Variants in SAMD4A observed in about 807,000 individuals in gnomAD.
SAMD4A encodes the protein protein Smaug homolog 1.
SAMD4A carries 33 observed loss-of-function variants against 81.3 expected under a neutral mutation model. That is an observed-to-expected ratio of 0.41 (90% confidence interval 0.31 to 0.54). The LOEUF (loss-of-function observed/expected upper bound fraction) is 0.54, where lower values mean the gene tolerates loss of function less well. Ranked by LOEUF, SAMD4A falls within the 20% of genes least tolerant of loss-of-function variation. The pLI is 0.37. For missense variants in SAMD4A, 854 were observed against 951.1 expected (o/e 0.90, Z 1.34); for synonymous variants, 389 against 382.1 (o/e 1.02, Z -0.21).
chr14:54,780,655 G>A (rs1399838923), intron 11 of SAMD4A, among the ~76,000 whole-genome samples: 1 of 152,176 alleles, frequency 6.6e-6, no homozygotes, highest in East Asian at 1.9e-4. Context: ...GAACCCAGCT[G>A]GGCCCACAGC....
At chr14:54,578,463 C>T (rs950227927) in intron 2 of SAMD4A, among the ~76,000 whole-genome samples, 2 of 151,972 alleles carry the variant, frequency 1.3e-5, no homozygotes, top group Non-Finnish European at 2.9e-5. Context: ...GTAATCCCAG[C>T]ACTTTGGTAG....
At chr14:54,775,228 GC>G in intron 10 of SAMD4A, 93 bp downstream of exon 10, 1 of 1,394,330 alleles carries the variant, frequency 7.2e-7, no homozygotes, top group East Asian at 2.3e-5. Context: ...GGGGAGAGAG[GC>G]CAAAGGGGAC....
rs1296424254 is a variant in SAMD4A at position 54,757,417 on chromosome 14, G to T, written c.1177-2744G>T. Among the ~76,000 whole-genome samples, 279 of 145,908 alleles carry T rather than the reference G, an allele frequency of 1.9e-3. 1 individual carries two copies. Among genetic ancestry groups the T allele is most frequent in the African/African-American group, 7.2e-3 (267 of 37,146 alleles). ...TGTGTGTGTGTGTGTGTGTGTGTGTGTGTGTGTGTGTTTTGTTTTGTTTTG... is the reference window on the plus strand; with the variant it reads ...TGTGTGTGTGTGTGTGTGTGTGTGTTTGTGTGTGTGTTTTGTTTTGTTTTG... On this transcript the variant is annotated intron_variant, in intron 6 of 12. Transcript: ENST00000554335.
chr14:54,779,201 T>A (rs1281740934), intron 11 of SAMD4A, among the ~76,000 whole-genome samples: 1 of 152,196 alleles, frequency 6.6e-6, no homozygotes. Flanking sequence ...CCGGGGCTTG[T>A]GGCCAGGCGT....
rs147660419 is a variant in SAMD4A, at chr14:54,739,380, C to T, written c.979+2093C>T. The stretch of plus-strand genomic sequence containing the variant: ...TCATATCCAGGATTTTCTTTATAGG[C>T]CCAAGGGGTGCAGCCAGAAAACAGG... On this transcript the variant is annotated intron_variant, in intron 4 of 12. Transcript: ENST00000554335. Among the ~76,000 whole-genome samples, 50 of 152,104 alleles carry T rather than the reference C, an allele frequency of 3.3e-4. No homozygotes were observed. In the East Asian group the frequency reaches 9.3e-3, roughly 28 times the overall value.
In SAMD4A at chr14:54,774,936, G is replaced by C. The variant is rs549843285; in HGVS notation, c.1718G>C (p.Arg573Pro). 6.2e-7 allele frequency: 1 copy of C among 1,614,014 alleles called. No homozygotes were observed. The highest frequency in any genetic ancestry group is 1.1e-5 in the South Asian group (1 of 91,080). ...DISGYRQQRN[R>P]GFGQSNSLPT... ...TCCTTCTCTCTTGGCTCTCACAGTC[G>C]AGGCTTTGGGCAATCCAACTCCCTC... is the stretch of plus-strand genomic sequence containing the variant. The change falls in exon 10 of 13, where the codon CGA becomes CCA. Residue 573 changes from arginine (R) to proline (P), a missense_variant and splice_region_variant. Arg to Pro is a moderately radical substitution (Grantham distance 103, BLOSUM62 -2). Coordinates refer to ENST00000554335, the MANE Select transcript of SAMD4A (RefSeq NM_015589.6).
chr14:54,732,623 G>A (rs956530626), intron 3 of SAMD4A, among the ~76,000 whole-genome samples: 1 of 152,182 alleles, frequency 6.6e-6, no homozygotes, highest in African/African-American at 2.4e-5. Flanking sequence ...AATACGCAAT[G>A]TATCTTTGAC....
chr14:54,653,304 T>A (rs1355769471), intron 2 of SAMD4A, among the ~76,000 whole-genome samples: 39 of 9,320 alleles, frequency 4.2e-3, no homozygotes, highest in Admixed American at 0.027. Flanking sequence ...CCTCTTAATA[T>A]TATTATTATT....
chr14:54,764,139 T>C (rs2038476755), intron 7 of SAMD4A, among the ~76,000 whole-genome samples: 1 of 152,188 alleles, frequency 6.6e-6, no homozygotes, highest in Non-Finnish European at 1.5e-5. Flanking sequence ...AGAGCCACTT[T>C]CAAAGACCAA....
At chr14:54,754,846 T>A in intron 6 of SAMD4A, 1 of 988,102 alleles carries the variant, frequency 1.0e-6, no homozygotes, top group Non-Finnish European at 1.2e-6. Flanking sequence ...TACTGAACCC[T>A]TATCAAGCAG....
chr14:54,737,646 A>C (rs2037734114), intron 4 of SAMD4A, among the ~76,000 whole-genome samples: 2 of 149,534 alleles, frequency 1.3e-5, no homozygotes, highest in African/African-American at 5.0e-5. Context: ...GAGCTGCTCC[A>C]ACCTTGTACC....
chr14:54,748,981 C>G, intron 5 of SAMD4A, 57 bp downstream of exon 5: 1 of 1,272,208 alleles, frequency 7.9e-7, no homozygotes, highest in South Asian at 1.3e-5. Flanking sequence ...ACCTGAAGTT[C>G]AAGGCCTGGA....
chr14:54,597,321 C>T (rs1172480355), intron 2 of SAMD4A, among the ~76,000 whole-genome samples: 2 of 151,672 alleles, frequency 1.3e-5, no homozygotes, highest in Non-Finnish European at 2.9e-5. Context: ...ATTGCCTAGG[C>T]TGGAGTGCAA....
At chr14:54,687,286 G>A (rs1356606170) in intron 2 of SAMD4A, 1 of 452,612 alleles carries the variant, frequency 2.2e-6, no homozygotes, top group African/African-American at 2.0e-5. Context: ...TATGAACCAA[G>A]TATTTCTTCT....
At chr14:54,635,715 T>C (rs75285011) in intron 2 of SAMD4A, among the ~76,000 whole-genome samples, 5,425 of 149,906 alleles carry the variant, frequency 0.036, 146 homozygotes, top group East Asian at 0.14. Context: ...ACCACTGCAC[T>C]CCAGCGACAG....
intron 2 of SAMD4A, among the ~76,000 whole-genome samples, chr14:54,633,570 G>A (rs1456436952): frequency 1.3e-5 from 2 of 152,022 alleles, no homozygotes; most frequent in Non-Finnish European, 1.5e-5. Flanking sequence ...TCAGAGAGTG[G>A]GGTGCCTGGT....
At chr14:54,651,421 G>A (rs115751462) in intron 2 of SAMD4A, among the ~76,000 whole-genome samples, 4,009 of 152,304 alleles carry the variant, frequency 0.026, 59 homozygotes, top group Middle Eastern at 0.082. Flanking sequence ...ATTTCATACA[G>A]TGAATAAGTC....
intron 2 of SAMD4A, among the ~76,000 whole-genome samples, chr14:54,631,054 C>T (rs1364371780): frequency 6.6e-6 from 1 of 151,464 alleles, no homozygotes; most frequent in Non-Finnish European, 1.5e-5. Flanking sequence ...AGTTCCAGTC[C>T]AAGGGCTGAT....
At chr14:54,681,647 G>A (rs1424881565) in intron 2 of SAMD4A, 7 of 222,118 alleles carry the variant, frequency 3.2e-5, no homozygotes, top group Admixed American at 6.5e-5. Flanking sequence ...ACCCAGGCTG[G>A]TCTCAAACTC....
Sources: gnomAD v4.1 joint callset for allele counts (sites outside exome capture counted in the v4.1 genomes callset) on GRCh38, gnomAD v4.1.1 for gene constraint, MANE v1.5 for transcripts, NCBI Gene and HGNC (gene_info 2026-07-23, HGNC 2026-07-21) for gene names.